SLC25A17: variants seen among roughly 807,000 people sequenced by gnomAD.
SLC25A17 encodes solute carrier family 25 member 17.
SLC25A17 carries 26 observed loss-of-function variants against 38.5 expected under a neutral mutation model. The observed-to-expected ratio is 0.68, with a 90% CI of 0.50 to 0.94. The LOEUF (loss-of-function observed/expected upper bound fraction) is 0.94. SLC25A17 is among the 40% of genes least tolerant of loss of function. SLC25A17 has a pLI of 0.00. For synonymous variants in SLC25A17, 139 were observed against 136.2 expected (o/e 1.02, Z -0.14); for missense variants, 333 against 372.7 (o/e 0.89, Z 0.88).
At chr22:40,792,742 T>C (rs1381507645) in intron 3 of SLC25A17, 66 bp from the exon 4 acceptor site, 19 of 1,550,016 alleles carry the variant, frequency 1.2e-5, no homozygotes, top group Non-Finnish European at 1.3e-5. Flanking sequence ...AGAGAAATCC[T>C]AGGAAAGGCT....
chr22:40,793,494 C>G lies in SLC25A17; in HGVS notation c.183-818G>C, dbSNP rs533618959. Among the ~76,000 whole-genome samples, 93 of 152,196 alleles carry G rather than the reference C, an allele frequency of 6.1e-4. 1 individual carries two copies. Among genetic ancestry groups the G allele is most frequent in the African/African-American group, 2.1e-3 (88 of 41,518 alleles). On this transcript the variant is annotated intron_variant, in intron 3 of 8. Coordinates refer to ENST00000435456, the MANE Select transcript of SLC25A17 (RefSeq NM_006358.4). Reference sequence around the variant, plus strand: ...AAAGGCAGGCAGACAATATGTGAGTCAAGATGTGATATCTTGAGAAGGACA... The same window carrying G: ...AAAGGCAGGCAGACAATATGTGAGTGAAGATGTGATATCTTGAGAAGGACA...
At position 40,819,339 on chromosome 22, in the gene SLC25A17, A is replaced by C; in HGVS notation, c.-91T>G. 7.8e-7 allele frequency: 1 copy of C among 1,286,516 alleles called. No individual in the cohort carries two copies. The highest frequency in any genetic ancestry group is 4.1e-5 in the East Asian group (1 of 24,384). 79.7% of individuals were successfully genotyped at this position (1,286,516 alleles called of 1,614,324 possible). On this transcript the variant is annotated 5_prime_UTR_variant, in exon 1 of 9. Transcript: ENST00000435456. ...AAGGAGCACCGGAGCTCAGGGTGTG[A>C]GAGTCGCAATCCCCGCCCTCTCAAA...
chr22:40,817,231 C>T (rs543389235), intron 1 of SLC25A17: 1 of 152,494 alleles, frequency 6.6e-6, no homozygotes, highest in South Asian at 2.1e-4. Flanking sequence ...AGCATCTGAC[C>T]CAGCTGGTCT....
rs568552474 is a variant in SLC25A17, at chr22:40,774,226, CT to C, written c.694-208del. On this transcript the variant is annotated intron_variant, in intron 7 of 8. Transcript: ENST00000435456. ...TAAGTGAAAATAAGAAAAATTTTTC[CT>C]TTTTTTTTTTTTTTGAGACATCTTC... 6.5e-3 allele frequency among the ~76,000 whole-genome samples: 907 copies of C among 138,544 alleles called. 4 individuals are homozygous for C. The highest frequency in any genetic ancestry group is 0.013 in the African/African-American group (484 of 37,958). The allele number at this position is 138,544 out of a possible 152,430, so 90.9% of individuals were successfully genotyped here.
At chr22:40,780,696 C>A (rs2057285805) in intron 4 of SLC25A17, among the ~76,000 whole-genome samples, 1 of 152,206 alleles carries the variant, frequency 6.6e-6, no homozygotes, top group Non-Finnish European at 1.5e-5. Context: ...GACCAGAGAT[C>A]ACAAGCTTCC....
chr22:40,773,137 C>T (rs1390581377), intron 8 of SLC25A17, among the ~76,000 whole-genome samples: 2 of 151,966 alleles, frequency 1.3e-5, no homozygotes, highest in African/African-American at 2.4e-5. Flanking sequence ...AGGCTGGGCG[C>T]GGTGGCTCAC....
At chr22:40,792,430 C>A in intron 4 of SLC25A17, 95 bp downstream of exon 4, 4 of 983,350 alleles carry the variant, frequency 4.1e-6, no homozygotes, top group African/African-American at 1.7e-5. Context: ...TGGCTATATT[C>A]TTTGTAAGCA....
chr22:40,807,362 T>G (rs2057539483), intron 1 of SLC25A17, among the ~76,000 whole-genome samples: 1 of 152,162 alleles, frequency 6.6e-6, no homozygotes. Context: ...GTCAGACAGC[T>G]TGTGATAGAA....
chr22:40,781,131 A>G (rs1247194967), intron 4 of SLC25A17, among the ~76,000 whole-genome samples: 1 of 152,134 alleles, frequency 6.6e-6, no homozygotes, highest in Non-Finnish European at 1.5e-5. Flanking sequence ...TGATCATGCC[A>G]CTGCACTCCA....
chr22:40,798,660 T>TAAAAAA lies in SLC25A17; in HGVS notation c.115+357_115+362dup, dbSNP rs10640211. On this transcript the variant is annotated intron_variant, in intron 2 of 8. Coordinates refer to ENST00000435456, the MANE Select transcript of SLC25A17 (RefSeq NM_006358.4). Reference sequence around the variant, plus strand: ...CTAGAAAAATAAAAGCACACATACATAAAAAAAAAAAAAAAAAAAAAAAGA... The same window carrying TAAAAAA: ...CTAGAAAAATAAAAGCACACATACATAAAAAAAAAAAAAAAAAAAAAAAAAAAAAGA... 1.5e-3 allele frequency among the ~76,000 whole-genome samples: 108 copies of TAAAAAA among 74,176 alleles called. 2 individuals are homozygous for TAAAAAA. Among genetic ancestry groups the TAAAAAA allele is most frequent in the Middle Eastern group, 0.012 (1 of 86 alleles). 48.7% of individuals were successfully genotyped at this position (74,176 alleles called of 152,430 possible).
At chr22:40,812,248 T>TA (rs201451733) in intron 1 of SLC25A17, among the ~76,000 whole-genome samples, 44 of 147,242 alleles carry the variant, frequency 3.0e-4, no homozygotes, top group African/African-American at 4.5e-4. Context: ...GGCTACTTAC[T>TA]AAAAAAAAAA....
chr22:40,796,093 A>G (rs1367907012), intron 2 of SLC25A17, among the ~76,000 whole-genome samples: 26 of 152,106 alleles, frequency 1.7e-4, no homozygotes, highest in Non-Finnish European at 2.9e-5. Context: ...CCGGCCTAAA[A>G]TTCAAGTTTC....
intron 1 of SLC25A17, among the ~76,000 whole-genome samples, chr22:40,803,369 A>AT (rs888255041): frequency 2.6e-5 from 4 of 152,008 alleles, no homozygotes; most frequent in Admixed American, 6.6e-5. Flanking sequence ...TATAAAATCA[A>AT]TTTTTTTAGA....
At chr22:40,776,448 T>C (rs1198312323) in intron 7 of SLC25A17, 8 of 308,072 alleles carry the variant, frequency 2.6e-5, no homozygotes, top group Non-Finnish European at 1.3e-5. Context: ...TCAACTTGAA[T>C]GAGAAGGAAG....
In SLC25A17 at chr22:40,808,326, T is replaced by C. The variant is rs191961136; in HGVS notation, c.55-9243A>G. ...TACACTATATTGGCACTTGAAGCAG[T>C]GGAGTCCCTTCAGCTGAGAAGTGAG... On this transcript the variant is annotated intron_variant, in intron 1 of 8. Coordinates refer to ENST00000435456, the MANE Select transcript of SLC25A17 (RefSeq NM_006358.4). Among the ~76,000 whole-genome samples the C allele has an allele frequency of 2.6e-5, 4 of 152,312 alleles. No homozygotes were observed. The East Asian group carries it at 5.8e-4, about 22-fold the overall frequency.
At chr22:40,782,519 A>G (rs1420123920) in intron 4 of SLC25A17, among the ~76,000 whole-genome samples, 1 of 152,222 alleles carries the variant, frequency 6.6e-6, no homozygotes, top group Non-Finnish European at 1.5e-5. Flanking sequence ...GAAATCTTGA[A>G]AACAATTAGT....
intron 1 of SLC25A17, among the ~76,000 whole-genome samples, chr22:40,809,468 A>AT (rs925947876): frequency 1.8e-4 from 15 of 83,778 alleles, no homozygotes; most frequent in Non-Finnish European, 2.5e-4. Context: ...CTACAAAAAA[A>AT]TTAAAAAAAA....
At position 40,789,319 on chromosome 22, in the gene SLC25A17, C is replaced by T. The variant is rs371288225; in HGVS notation, c.334+3206G>A. The T allele has an allele frequency of 3.8e-4, 59 of 153,354 alleles. 1 individual carries two copies. In the East Asian group the frequency reaches 0.01, roughly 27 times the overall value. The allele number at this position is 153,354 out of a possible 1,614,324, so 9.5% of individuals were successfully genotyped here. ...ACAGAGACACCGTCCACGCGGTGCC[C>T]GGACCCCGGACCAGCCACGGGGTGG... On this transcript the variant is annotated intron_variant, in intron 4 of 8. Coordinates refer to ENST00000435456, the MANE Select transcript of SLC25A17 (RefSeq NM_006358.4). This position sits in a 1 kb window ranked among gnomAD's most constrained non-coding sequence, Gnocchi z 4.5.
At chr22:40,794,146 C>A (rs1409798083) in intron 3 of SLC25A17, among the ~76,000 whole-genome samples, 1 of 152,012 alleles carries the variant, frequency 6.6e-6, no homozygotes, top group East Asian at 1.9e-4. Flanking sequence ...AAATTATTTC[C>A]AATAAAAAGC....
Sources: allele counts gnomAD v4.1 joint callset (sites outside exome capture counted in the v4.1 genomes callset), GRCh38; gene constraint gnomAD v4.1.1; non-coding constraint Gnocchi (gnomAD v3.1); transcripts MANE v1.5; gene names NCBI Gene and HGNC (gene_info 2026-07-23, HGNC 2026-07-21).